ESRRG: variants seen among roughly 807,000 people sequenced by gnomAD.
ESRRG encodes estrogen-related receptor gamma.
Under a neutral mutation model 44.0 loss-of-function variants are expected in ESRRG, and 13 were observed. The observed-to-expected ratio is 0.30, with a 90% CI of 0.19 to 0.47. The LOEUF (loss-of-function observed/expected upper bound fraction) is 0.47, where lower values mean the gene tolerates loss of function less well. Ranked by LOEUF, ESRRG falls within the 20% of genes least tolerant of loss-of-function variation. ESRRG has a pLI of 1.00. For missense variants in ESRRG, 395 were observed against 580.6 expected, an observed-to-expected ratio of 0.68 and a Z score of 3.29; for synonymous variants, 215 against 214.6, an observed-to-expected ratio of 1.00 and a Z score of -0.02.
intron 6 of ESRRG, among the ~76,000 whole-genome samples, chr1:216,510,668 G>A (rs1259312655): frequency 6.6e-6 from 1 of 152,094 alleles, no homozygotes; most frequent in Non-Finnish European, 1.5e-5. Flanking sequence ...GGCAGATCAC[G>A]AGGTCAGGAG....
rs72741427 is a variant in ESRRG, at chr1:216,915,933, A to T, written c.-14+23649T>A. 7.6e-3 allele frequency among the ~76,000 whole-genome samples: 1,154 copies of T among 152,224 alleles called. 15 individuals are homozygous for T. The highest frequency in any genetic ancestry group is 0.03 in the South Asian group (143 of 4,818). On this transcript the variant is annotated intron_variant, in intron 2 of 7. Coordinates refer to the ESRRG transcript ENST00000359162. Reference sequence around the variant, plus strand: ...ACAGTTCACATCCAAACTCTAGGAGATCTTGTGAACTATTCGCCACGGGAG... The same window carrying T: ...ACAGTTCACATCCAAACTCTAGGAGTTCTTGTGAACTATTCGCCACGGGAG...
intron 2 of ESRRG, among the ~76,000 whole-genome samples, chr1:216,661,483 C>T (rs2072402176): frequency 6.6e-6 from 1 of 152,204 alleles, no homozygotes; most frequent in Non-Finnish European, 1.5e-5. Context: ...ATGCTAATTA[C>T]ATCTAATGCA....
intron 2 of ESRRG, among the ~76,000 whole-genome samples, chr1:216,764,577 G>C (rs1020362973): frequency 1.3e-5 from 2 of 151,878 alleles, no homozygotes; most frequent in African/African-American, 4.8e-5. Flanking sequence ...CCCAGGGGGG[G>C]ACTCTTAACT....
chr1:216,569,092 G>GGAAC (rs2060209629), intron 3 of ESRRG, among the ~76,000 whole-genome samples: 1 of 78,956 alleles, frequency 1.3e-5, no homozygotes, highest in African/African-American at 3.6e-5. Flanking sequence ...AAGGAAGGAA[G>GGAAC]GAAGGAAGGA....
At chr1:216,934,862 T>G (rs1360777656) in intron 2 of ESRRG, among the ~76,000 whole-genome samples, 2 of 152,166 alleles carry the variant, frequency 1.3e-5, no homozygotes, top group African/African-American at 4.8e-5. Context: ...ATAGTTCACC[T>G]CCAATGTCCA....
At chr1:216,881,270 A>G (rs2096442807) in intron 2 of ESRRG, among the ~76,000 whole-genome samples, 1 of 152,224 alleles carries the variant, frequency 6.6e-6, no homozygotes, top group South Asian at 2.1e-4. Flanking sequence ...AAGCAGATGC[A>G]GATTATCCTC....
intron 2 of ESRRG, among the ~76,000 whole-genome samples, chr1:216,910,918 A>C (rs2060234221): frequency 6.6e-6 from 1 of 152,234 alleles, no homozygotes; most frequent in Non-Finnish European, 1.5e-5. Context: ...ATTCAAGCAC[A>C]GGTAACTCTA....
At chr1:217,075,446 C>T (rs900151582) in intron 1 of ESRRG, among the ~76,000 whole-genome samples, 1 of 152,092 alleles carries the variant, frequency 6.6e-6, no homozygotes. Context: ...GCTTCATAAT[C>T]ACCCTGTACC....
At chr1:216,955,664 AGT>A (rs2067823629) in intron 1 of ESRRG, among the ~76,000 whole-genome samples, 1 of 152,162 alleles carries the variant, frequency 6.6e-6, no homozygotes, top group Non-Finnish European at 1.5e-5. Flanking sequence ...TCCCACCAGC[AGT>A]GTATAAGACT....
intron 1 of ESRRG, among the ~76,000 whole-genome samples, chr1:217,029,902 C>A (rs928529613): frequency 6.6e-6 from 1 of 152,144 alleles, no homozygotes; most frequent in Non-Finnish European, 1.5e-5. Flanking sequence ...AGCAATGAAA[C>A]GCTCTTTCTT....
rs1176704317 is a variant in ESRRG at position 217,066,522 on chromosome 1, T to C, written c.-106+22985A>G. Among the ~76,000 whole-genome samples, 4 of 152,186 alleles carry C rather than the reference T, an allele frequency of 2.6e-5. No homozygotes were observed. In the South Asian group the frequency reaches 6.2e-4, roughly 24 times the overall value. ...TCCCAGAGTGCTGGGATTACAGGCG[T>C]TAGCCACTGAGCCTGGCCTCCCATG... On this transcript the variant is annotated intron_variant, in intron 1 of 7. Transcript: ENST00000359162.
At chr1:216,667,715 A>G (rs2151337369) in intron 2 of ESRRG, among the ~76,000 whole-genome samples, 1 of 147,882 alleles carries the variant, frequency 6.8e-6, no homozygotes, top group South Asian at 2.2e-4. Context: ...AAAAAGATAG[A>G]ACGAAGTTGA....
chr1:216,995,154 C>G (rs1477874138), intron 1 of ESRRG, among the ~76,000 whole-genome samples: 1 of 152,088 alleles, frequency 6.6e-6, no homozygotes, highest in Admixed American at 6.6e-5. Flanking sequence ...TTGACCCCTG[C>G]CCCTCCTTCA....
chr1:217,047,201 T>A (rs1032179928), intron 1 of ESRRG, among the ~76,000 whole-genome samples: 3 of 152,146 alleles, frequency 2.0e-5, no homozygotes, highest in Non-Finnish European at 4.4e-5. Flanking sequence ...ACCAACTTTA[T>A]GATTATAATG....
chr1:217,094,569 T>C (rs888332196), upstream of ESRRG, among the ~76,000 whole-genome samples: 4 of 152,262 alleles, frequency 2.6e-5, no homozygotes, highest in African/African-American at 4.8e-5. Context: ...AGACAGACTC[T>C]ACCAATACAA....
chr1:216,824,366 AAC>A (rs2095354697), intron 2 of ESRRG, among the ~76,000 whole-genome samples: 1 of 152,146 alleles, frequency 6.6e-6, no homozygotes, highest in East Asian at 1.9e-4. Context: ...AAATCACTTG[AAC>A]AGGGGAGGGG....
intron 5 of ESRRG, among the ~76,000 whole-genome samples, chr1:216,547,740 G>A (rs781699410): frequency 5.9e-5 from 9 of 152,010 alleles, no homozygotes; most frequent in Admixed American, 1.3e-4. Context: ...CACCAATAAC[G>A]CAGGTGTCTG....
chr1:216,699,351 T>G (rs371768719), intron 1 of ESRRG, among the ~76,000 whole-genome samples: 3 of 152,150 alleles, frequency 2.0e-5, no homozygotes, highest in East Asian at 3.9e-4. Flanking sequence ...ATCTAAAAAG[T>G]TGGCATTCTT....
Position 216,593,321 on chromosome 1 carries a change from A to G in ESRRG, c.590-25223T>C, listed in dbSNP as rs142319824. Among the ~76,000 whole-genome samples the G allele has an allele frequency of 1.9e-4, 29 of 152,156 alleles. 1 individual carries two copies. The East Asian group carries it at 5.4e-3, about 28-fold the overall frequency. On this transcript the variant is annotated intron_variant, in intron 3 of 6. Coordinates refer to ENST00000408911, the MANE Select transcript of ESRRG (RefSeq NM_001438.4). ...AAATAAAATGAATAAAATCAATTAT[A>G]CTTGTTGGTGAATTCCATATATTTG...
Sources: allele counts gnomAD v4.1 joint callset (sites outside exome capture counted in the v4.1 genomes callset), GRCh38; gene constraint gnomAD v4.1.1; transcripts MANE v1.5; gene names NCBI Gene and HGNC (gene_info 2026-07-23, HGNC 2026-07-21).